GALNT6: variants seen among roughly 807,000 people sequenced by gnomAD.
GALNT6 encodes polypeptide N-acetylgalactosaminyltransferase 6.
GALNT6 carries 51 observed loss-of-function variants against 65.9 expected under a neutral mutation model. That is an observed-to-expected ratio of 0.77 (90% CI 0.62 to 0.98). The LOEUF (loss-of-function observed/expected upper bound fraction) is 0.98, where lower values mean the gene tolerates loss of function less well. Ranked by LOEUF, GALNT6 falls within the 50% of genes least tolerant of loss-of-function variation. GALNT6 has a pLI of 0.00. For missense variants in GALNT6, 708 were observed against 803.3 expected (o/e 0.88, Z 1.43); for synonymous variants, 323 against 315.1 (o/e 1.02, Z -0.26).
chr12:51,356,471 A>C (rs1375215874), intron 10 of GALNT6, among the ~76,000 whole-genome samples: 1 of 143,152 alleles, frequency 7.0e-6, no homozygotes, highest in Non-Finnish European at 1.5e-5. Context: ...GCGATCCTCC[A>C]TGTCAGCTTC....
rs528170069 is a variant in GALNT6, at chr12:51,365,375, T to A, written c.814+55A>T. 1.1e-4 allele frequency: 164 copies of A among 1,528,582 alleles called. 2 individuals carry two copies. The South Asian group carries it at 2.0e-3, about 18-fold the overall frequency. The allele number at this position is 1,528,582 out of a possible 1,614,324, so 94.7% of individuals were successfully genotyped here. Reference sequence around the variant, plus strand: ...TTGGGGAGGCTGTGGCCCTGGCTCATTCTAGCAGGGAGGGAGCCTCCAGGT... The same window carrying A: ...TTGGGGAGGCTGTGGCCCTGGCTCAATCTAGCAGGGAGGGAGCCTCCAGGT... On this transcript the variant is annotated intron_variant, in intron 5 of 11. Transcript: ENST00000356317.
chr12:51,351,725 T>C lies in GALNT6; in HGVS notation c.*2654A>G, dbSNP rs1946617510. 1 of 152,204 alleles carries C rather than the reference T, an allele frequency of 6.6e-6. No homozygotes were observed. The highest frequency in any genetic ancestry group is 1.5e-5 in the Non-Finnish European group (1 of 68,032). The allele number at this position is 152,204 out of a possible 1,614,324, so 9.4% of individuals were successfully genotyped here. A position where few individuals can be genotyped will look rare whatever the true frequency, so the allele number is the denominator to read the frequency against. ...TCACGTCTCCACGTGCTTGACACAA[T>C]ACATAAGCTAGATTTAGGGCCAGAG... On this transcript the variant is annotated 3_prime_UTR_variant, in exon 12 of 12. Transcript: ENST00000356317.
rs936603608 is a variant in GALNT6, at chr12:51,355,845, A to G, written c.1716T>C (p.Asn572=). 8.1e-6 allele frequency: 13 copies of G among 1,613,862 alleles called. 1 individual carries two copies. Among genetic ancestry groups the G allele is most frequent in the South Asian group, 2.2e-5 (2 of 91,070 alleles). ...ATTCCTCGTCCTTGGGGACCTGGCT[A>G]TTCTTGCCAGTGAAGTGACAGCTCC... ...GLGSCHFTGK[N]SQVPKDEEWE... The change falls in exon 11 of 12, where the codon AAT becomes AAC. Residue 572 remains asparagine (N), a synonymous_variant. Transcript: ENST00000356317.
At chr12:51,381,005 G>A (rs1489232987) in intron 2 of GALNT6, among the ~76,000 whole-genome samples, 2 of 152,154 alleles carry the variant, frequency 1.3e-5, no homozygotes, top group Non-Finnish European at 2.9e-5. Context: ...TTGGGAGGCT[G>A]AGGTGGGAGG....
In GALNT6 at chr12:51,354,133, C is replaced by A. The variant is rs1243916985; in HGVS notation, c.*246G>T. 2.5e-6 allele frequency: 1 copy of A among 396,312 alleles called. No individual in the cohort carries two copies. The highest frequency in any genetic ancestry group is 2.1e-5 in the African/African-American group (1 of 47,338). The allele number at this position is 396,312 out of a possible 1,614,324, so 24.5% of individuals were successfully genotyped here. On this transcript the variant is annotated 3_prime_UTR_variant, in exon 12 of 12. Coordinates refer to ENST00000356317, the MANE Select transcript of GALNT6 (RefSeq NM_007210.4). ...CCAGCTGCCTTCCCTACTTTGGGAG[C>A]CTCTATTTCTAGAACAGGAAAACGC...
Position 51,387,869 on chromosome 12 carries a change from A to C in GALNT6, c.-104+2981T>G, listed in dbSNP as rs1947891755. ...TCTTGGGCCAGTCTTCAAATTGGGA[A>C]GGGGGCTTAATGGGAGAGACTAGAA... is the stretch of plus-strand genomic sequence containing the variant. On this transcript the variant is annotated intron_variant, in intron 2 of 11. Coordinates refer to ENST00000356317, the MANE Select transcript of GALNT6 (RefSeq NM_007210.4). The surrounding 1 kb of genome is among the most constrained non-coding windows in gnomAD (Gnocchi z 4.2). Among the ~76,000 whole-genome samples, 1 of 152,102 alleles carries C rather than the reference A, an allele frequency of 6.6e-6. No individual in the cohort carries two copies.
rs200064246 is a variant in GALNT6 at position 51,360,779 on chromosome 12, C to T, written c.1109G>A (p.Gly370Asp). ...GATCTCCATCTGATTATCATAGGTA[C>T]CGATGTGCTCAAAGTAGGACTTGGA... ...SISKSYFEHI[G>D]TYDNQMEIWG... Residue 370 changes from glycine to aspartate, a missense_variant, in exon 7 of 12, where the codon GGT becomes GAT. Physicochemically the swap from Gly to Asp is moderately conservative, Grantham distance 94 (BLOSUM62 -1). Transcript: ENST00000356317. The T allele has an allele frequency of 6.2e-7, 1 of 1,613,838 alleles. No individual in the cohort carries two copies. The highest frequency in any genetic ancestry group is 8.5e-7 in the Non-Finnish European group (1 of 1,179,752).
chr12:51,389,045 C>T (rs973802034), intron 2 of GALNT6, among the ~76,000 whole-genome samples: 3 of 152,198 alleles, frequency 2.0e-5, no homozygotes, highest in African/African-American at 7.2e-5. Context: ...TTACACAGCA[C>T]AATTACAACA....
At chr12:51,390,750 G>A (rs1368865440) in intron 2 of GALNT6, 100 bp downstream of exon 2, 1 of 152,358 alleles carries the variant, frequency 6.6e-6, no homozygotes, top group Non-Finnish European at 1.5e-5. Flanking sequence ...CTTTCTGAGA[G>A]TGCTGCAATG....
At chr12:51,388,823 A>T (rs1249102514) in intron 2 of GALNT6, among the ~76,000 whole-genome samples, 1 of 152,120 alleles carries the variant, frequency 6.6e-6, no homozygotes, top group Non-Finnish European at 1.5e-5. Context: ...TGGCAATGCT[A>T]TTTTGCTAGT....
At chr12:51,365,679 G>C (rs148504141) in intron 4 of GALNT6, 100 bp from the exon 5 acceptor site, 12,863 of 1,244,924 alleles carry the variant, frequency 0.01, 87 homozygotes, top group Non-Finnish European at 0.013. Context: ...TAGCAGGCCT[G>C]AATTTTAAAC....
intron 2 of GALNT6, chr12:51,383,641 C>T (rs1947741072): frequency 6.6e-6 from 1 of 152,170 alleles, no homozygotes; most frequent in African/African-American, 2.4e-5. Context: ...TCTCTCAATC[C>T]CATCTGGCTG....
intron 4 of GALNT6, 89 bp downstream of exon 4, chr12:51,377,105 TG>T: frequency 1.9e-6 from 2 of 1,068,528 alleles, no homozygotes; most frequent in Non-Finnish European, 2.8e-6. Context: ...GCTCATGAGG[TG>T]GTGCCTGCTC....
rs767778573 is a variant in GALNT6 at position 51,379,442 on chromosome 12, CA to C, written c.339del (p.Ala115GlnfsTer67). The C allele has an allele frequency of 6.2e-7, 1 of 1,613,798 alleles. No individual in the cohort carries two copies. The highest frequency in any genetic ancestry group is 8.5e-7 in the Non-Finnish European group (1 of 1,179,836). ...WERPPQDPNAPGADGKAFQKS... is the reference protein window; with the variant it reads ...WERPPQDPNAXGADGKAFQKS... The stretch of plus-strand genomic sequence containing the variant: ...TTCTGAAATGCTTTTCCATCTGCCC[CA>C]GGGGCATTGGGGTCCTGTGGTGGCC... On this transcript the variant is annotated frameshift_variant, in exon 3 of 12. Transcript: ENST00000356317. LOFTEE classifies it high-confidence loss of function.
At chr12:51,356,308 T>A (rs1946743373) in intron 10 of GALNT6, among the ~76,000 whole-genome samples, 1 of 150,554 alleles carries the variant, frequency 6.6e-6, no homozygotes, top group Admixed American at 6.6e-5. Context: ...CCCAAAGTGC[T>A]GGGATTACAG....
rs141167060 is a variant in GALNT6 at position 51,364,678 on chromosome 12, G to A, written c.815-323C>T. ...AGCCGATCCATTGGCCCAGCCCTCC[G>A]GGCCCACGTGTGGATTTCAGAAGAG... On this transcript the variant is annotated intron_variant, in intron 5 of 11. Coordinates refer to ENST00000356317, the MANE Select transcript of GALNT6 (RefSeq NM_007210.4). Among the ~76,000 whole-genome samples the A allele has an allele frequency of 4.9e-3, 748 of 152,326 alleles. 9 individuals carry two copies. Among genetic ancestry groups the A allele is most frequent in the Middle Eastern group, 0.01 (3 of 294 alleles).
At chr12:51,386,974 C>T (rs990239045) in intron 2 of GALNT6, among the ~76,000 whole-genome samples, 7 of 152,208 alleles carry the variant, frequency 4.6e-5, no homozygotes, top group African/African-American at 1.7e-4. Context: ...CAAGACACTT[C>T]AGCTTTTCTC....
intron 5 of GALNT6, 61 bp from the exon 6 acceptor site, chr12:51,364,416 A>G: frequency 8.4e-7 from 1 of 1,190,344 alleles, no homozygotes; most frequent in Non-Finnish European, 1.2e-6. Context: ...CCCAAGCTGC[A>G]TCCTGGAGGG....
chr12:51,383,971 C>T (rs2137793978), intron 2 of GALNT6, among the ~76,000 whole-genome samples: 1 of 152,288 alleles, frequency 6.6e-6, no homozygotes, highest in Admixed American at 6.5e-5. Flanking sequence ...AAGTACAAAG[C>T]TTCACGAGAT....
Sources: gnomAD v4.1 joint callset for allele counts (sites outside exome capture counted in the v4.1 genomes callset) on GRCh38, gnomAD v4.1.1 for gene constraint, Gnocchi (gnomAD v3.1) non-coding constraint, MANE v1.5 for transcripts, NCBI Gene and HGNC (gene_info 2026-07-23, HGNC 2026-07-21) for gene names.